The following ATP13A4 variants were observed in gnomAD, a reference collection of about 807,000 sequenced individuals.
ATP13A4 encodes the protein probable cation-transporting ATPase 13A4.
A neutral mutation model predicts 142.5 loss-of-function variants in ATP13A4; 114 were observed. The observed-to-expected ratio is 0.80, with a 90% CI of 0.69 to 0.93. The LOEUF is 0.93. Ranked by LOEUF, ATP13A4 falls within the 40% of genes least tolerant of loss-of-function variation. ATP13A4 has a pLI of 0.00. For synonymous variants in ATP13A4, 488 were observed against 514.8 expected, an observed-to-expected ratio of 0.95 and a Z score of 0.70; for missense variants, 1,392 against 1,454.0, an observed-to-expected ratio of 0.96 and a Z score of 0.69.
At chr3:193,528,377 T>C (rs1360468966) in intron 1 of ATP13A4, among the ~76,000 whole-genome samples, 1 of 152,236 alleles carries the variant, frequency 6.6e-6, no homozygotes. Context: ...CTTGAAATTC[T>C]TAAGATGGCA....
chr3:193,515,958 G>T (rs1236987106), intron 1 of ATP13A4, among the ~76,000 whole-genome samples: 1 of 152,200 alleles, frequency 6.6e-6, no homozygotes, highest in Admixed American at 6.5e-5. Context: ...TCCTCAGTTT[G>T]TCTTCCATAA....
At chr3:193,416,970 G>A (rs10446356) in intron 25 of ATP13A4, 47,869 of 151,996 alleles carry the variant, frequency 0.31, 7,913 homozygotes, top group East Asian at 0.5. Context: ...CTTGAAAGCA[G>A]TGAGGGATAA....
intron 2 of ATP13A4, among the ~76,000 whole-genome samples, chr3:193,574,648 G>C (rs1724356302): frequency 6.6e-6 from 1 of 152,084 alleles, no homozygotes; most frequent in Non-Finnish European, 1.5e-5. Flanking sequence ...CCTGGGGCAG[G>C]GAGGTTGCAG....
chr3:193,504,020 T>TGTGTGTGTGTGTGTGTGTGA (rs1034644341), intron 2 of ATP13A4, among the ~76,000 whole-genome samples: 12,128 of 143,360 alleles, frequency 0.085, 684 homozygotes, highest in Non-Finnish European at 0.13. Flanking sequence ...TGTGTGTGTG[T>TGTGTGTGTGTGTGTGTGTGA]GAGAGAGAGA....
At chr3:193,473,206 T>C (rs1206547781) in intron 8 of ATP13A4, among the ~76,000 whole-genome samples, 2 of 152,168 alleles carry the variant, frequency 1.3e-5, no homozygotes, top group Admixed American at 6.5e-5. Context: ...ATTACAAAAA[T>C]ATCAAAGCCA....
At chr3:193,433,190 G>A (rs1194829154) in intron 25 of ATP13A4, among the ~76,000 whole-genome samples, 1 of 152,160 alleles carries the variant, frequency 6.6e-6, no homozygotes, top group Non-Finnish European at 1.5e-5. Flanking sequence ...AATTTCATCA[G>A]TTACAACAAA....
intron 1 of ATP13A4, among the ~76,000 whole-genome samples, chr3:193,523,791 T>C (rs1721853963): frequency 6.6e-6 from 1 of 152,200 alleles, no homozygotes; most frequent in Admixed American, 6.5e-5. Flanking sequence ...TGACCCCCAG[T>C]ACGGCTGTGT....
chr3:193,452,170 C>T (rs1444641111), intron 17 of ATP13A4, among the ~76,000 whole-genome samples: 2 of 152,192 alleles, frequency 1.3e-5, no homozygotes, highest in African/African-American at 4.8e-5. Flanking sequence ...GAAGCAGCAG[C>T]ATGGTAGCCA....
chr3:193,481,039 T>A (rs940846493), intron 8 of ATP13A4, among the ~76,000 whole-genome samples: 9 of 152,086 alleles, frequency 5.9e-5, no homozygotes, highest in African/African-American at 2.2e-4. Flanking sequence ...AAACTAAACA[T>A]CATATGTTCT....
intron 18 of ATP13A4, 42 bp downstream of exon 18, chr3:193,448,164 C>T: frequency 6.2e-7 from 1 of 1,610,410 alleles, no homozygotes; most frequent in Non-Finnish European, 8.5e-7. Context: ...TCTATTTCCA[C>T]ATCAAATTCT....
In ATP13A4 at chr3:193,489,791, G is replaced by A; in HGVS notation, c.677C>T (p.Ala226Val). 6.2e-7 allele frequency: 1 copy of A among 1,610,352 alleles called. No homozygotes were observed. Among genetic ancestry groups the A allele is most frequent in the Non-Finnish European group, 8.5e-7 (1 of 1,176,684 alleles). ...LWFSEDYKEY[A>V]FAIIIMSIIS... ...TATGGACATGATTATGATGGCAAAA[G>A]CATATTCCTTATAGTCTTCACTAAA... Residue 226 changes from alanine (A) to valine (V), a missense_variant, in exon 7 of 30, where the codon GCT (alanine) becomes GTT (valine). Ala to Val is a moderately conservative substitution (Grantham distance 64). Coordinates refer to ENST00000342695, the MANE Select transcript of ATP13A4 (RefSeq NM_032279.4).
At chr3:193,472,233 T>A (rs921004689) in intron 8 of ATP13A4, among the ~76,000 whole-genome samples, 1 of 152,212 alleles carries the variant, frequency 6.6e-6, no homozygotes, top group Non-Finnish European at 1.5e-5. Flanking sequence ...AAACAATGTA[T>A]AAGTTTTCCA....
chr3:193,497,023 A>G (rs1720277008), intron 3 of ATP13A4, among the ~76,000 whole-genome samples: 1 of 152,060 alleles, frequency 6.6e-6, no homozygotes. Flanking sequence ...GATTTTTTGG[A>G]TAAGACCCAA....
chr3:193,541,800 G>T (rs1722946344), intron 1 of ATP13A4, among the ~76,000 whole-genome samples: 1 of 152,070 alleles, frequency 6.6e-6, no homozygotes, highest in Admixed American at 6.5e-5. Flanking sequence ...AATTTAAAAA[G>T]CAAAAATGAT....
rs372985489 is a variant in ATP13A4, at chr3:193,412,610, T to TGAGA, written c.3015-243_3015-240dup. ...AGATAGACCCGTATTTTGGATACAT[T>TGAGA]GAGAGAGAGAGAGAGAGACAGAGAG... On this transcript the variant is annotated intron_variant, in intron 26 of 29. Transcript: ENST00000342695. Among the ~76,000 whole-genome samples, 226 of 137,378 alleles carry TGAGA rather than the reference T, an allele frequency of 1.6e-3. 1 individual carries two copies. Among genetic ancestry groups the TGAGA allele is most frequent in the African/African-American group, 5.7e-3 (213 of 37,466 alleles). The allele number at this position is 137,378 out of a possible 152,430, so 90.1% of individuals were successfully genotyped here. A position where few individuals can be genotyped will look rare whatever the true frequency, so the allele number is the denominator to read the frequency against.
intron 1 of ATP13A4, chr3:193,592,932 C>CG (rs1724880622): frequency 5.6e-6 from 1 of 178,762 alleles, no homozygotes; most frequent in African/African-American, 2.3e-5. Flanking sequence ...TCATGGCTCC[C>CG]GGTGAGCATT....
At chr3:193,490,880 C>T (rs553689716) in intron 6 of ATP13A4, among the ~76,000 whole-genome samples, 4 of 151,998 alleles carry the variant, frequency 2.6e-5, no homozygotes, top group East Asian at 1.9e-4. Context: ...GTGATGGGGT[C>T]CAAAAGGAAA....
intron 16 of ATP13A4, among the ~76,000 whole-genome samples, chr3:193,454,503 A>G (rs1020066872): frequency 1.3e-5 from 2 of 152,242 alleles, no homozygotes; most frequent in Non-Finnish European, 2.9e-5. Flanking sequence ...AGAATCTACC[A>G]TCTGGCAGGC....
At chr3:193,515,281 G>A (rs969324009) in intron 1 of ATP13A4, among the ~76,000 whole-genome samples, 1 of 152,150 alleles carries the variant, frequency 6.6e-6, no homozygotes, top group East Asian at 1.9e-4. Context: ...GCCCAAGGCC[G>A]CACAGCTAGA....
Sources: gnomAD v4.1 joint callset for allele counts (sites outside exome capture counted in the v4.1 genomes callset) on GRCh38, gnomAD v4.1.1 for gene constraint, MANE v1.5 for transcripts, NCBI Gene and HGNC (gene_info 2026-07-23, HGNC 2026-07-21) for gene names.